FBXO36: variants seen among roughly 807,000 people sequenced by gnomAD.
FBXO36 encodes the protein F-box only protein 36.
A neutral mutation model predicts 17.0 loss-of-function variants in FBXO36; 18 were observed. The ratio of observed to expected loss-of-function variants is 1.06; its 90% CI spans 0.73 to 1.57. The LOEUF (loss-of-function observed/expected upper bound fraction) is 1.57. Ranked by LOEUF, FBXO36 falls within the 40% of genes most tolerant of loss-of-function variation. FBXO36 has a pLI of 0.00. For synonymous variants in FBXO36, 83 were observed against 85.3 expected (o/e 0.97, Z 0.15); for missense variants, 229 against 221.9 (o/e 1.03, Z -0.20).
chr2:229,986,913 A>C (rs2077271287), intron 2 of FBXO36, among the ~76,000 whole-genome samples: 1 of 152,068 alleles, frequency 6.6e-6, no homozygotes, highest in Middle Eastern at 3.2e-3. Flanking sequence ...TTAAACCTAC[A>C]GAAAAGAACA....
At chr2:229,923,762 T>C (rs2154386709) in intron 1 of FBXO36, among the ~76,000 whole-genome samples, 1 of 151,688 alleles carries the variant, frequency 6.6e-6, no homozygotes, top group South Asian at 2.1e-4. Flanking sequence ...AAATTTTTAA[T>C]TAAACTGTTC....
chr2:229,979,183 A>G (rs2077225370), intron 2 of FBXO36, among the ~76,000 whole-genome samples: 1 of 151,530 alleles, frequency 6.6e-6, no homozygotes, highest in Non-Finnish European at 1.5e-5. Context: ...AAAAAAAAAA[A>G]AATCCATTAT....
intron 1 of FBXO36, among the ~76,000 whole-genome samples, chr2:229,972,860 G>A (rs796220244): frequency 6.6e-5 from 10 of 151,704 alleles, no homozygotes; most frequent in African/African-American, 1.7e-4. Flanking sequence ...TCAGCAGTTC[G>A]AGACCAGCCT....
intron 1 of FBXO36, among the ~76,000 whole-genome samples, chr2:229,927,597 A>G (rs776636306): frequency 1.3e-5 from 2 of 152,222 alleles, no homozygotes; most frequent in African/African-American, 4.8e-5. Context: ...CTTGCAGCCA[A>G]TAACCCAGGT....
intron 2 of FBXO36, among the ~76,000 whole-genome samples, chr2:229,981,402 A>G (rs2077238980): frequency 1.3e-5 from 2 of 151,896 alleles, no homozygotes; most frequent in Non-Finnish European, 2.9e-5. Flanking sequence ...TTTTTGAGAC[A>G]GGATCTCACT....
intron 3 of FBXO36, among the ~76,000 whole-genome samples, chr2:230,006,518 G>A (rs575498924): frequency 6.6e-6 from 1 of 152,300 alleles, no homozygotes; most frequent in East Asian, 1.9e-4. Flanking sequence ...ACACTTCAGG[G>A]CTCTGTGCAG....
intron 1 of FBXO36, among the ~76,000 whole-genome samples, chr2:229,960,376 G>A (rs2077114232): frequency 6.6e-6 from 1 of 152,000 alleles, no homozygotes; most frequent in African/African-American, 2.4e-5. Flanking sequence ...GGTGGGGTGA[G>A]CTGTGTTACC....
chr2:229,999,479 G>A (rs2077346174), intron 3 of FBXO36, among the ~76,000 whole-genome samples: 1 of 147,954 alleles, frequency 6.8e-6, no homozygotes, highest in Non-Finnish European at 1.5e-5. Flanking sequence ...TTGAGAGTGT[G>A]TGTGTGTGTA....
At chr2:229,957,228 C>G (rs915795361) in intron 1 of FBXO36, among the ~76,000 whole-genome samples, 11 of 152,186 alleles carry the variant, frequency 7.2e-5, no homozygotes, top group African/African-American at 2.7e-4. Flanking sequence ...GGAAGCCACA[C>G]AGTAAAGAGG....
intron 1 of FBXO36, among the ~76,000 whole-genome samples, chr2:229,949,276 G>A (rs998694890): frequency 3.3e-5 from 5 of 152,158 alleles, no homozygotes; most frequent in East Asian, 3.8e-4. Context: ...ACGTGTGCAC[G>A]TCCTTTATTC....
intron 2 of FBXO36, among the ~76,000 whole-genome samples, chr2:229,989,870 GC>G (rs1377490069): frequency 6.6e-6 from 1 of 152,092 alleles, no homozygotes; most frequent in East Asian, 1.9e-4. Flanking sequence ...ACCGCACCCG[GC>G]TCATGATGTA....
intron 1 of FBXO36, among the ~76,000 whole-genome samples, chr2:229,933,041 T>C (rs2076947272): frequency 6.6e-6 from 1 of 152,280 alleles, no homozygotes; most frequent in South Asian, 2.1e-4. Context: ...CGCTCCAGCC[T>C]GGGTGGGCAA....
chr2:229,980,717 A>G (rs541930905), intron 2 of FBXO36, among the ~76,000 whole-genome samples: 1 of 152,186 alleles, frequency 6.6e-6, no homozygotes, highest in East Asian at 1.9e-4. Flanking sequence ...CGAAGATTTT[A>G]TGAGTCTGAC....
intron 1 of FBXO36, among the ~76,000 whole-genome samples, chr2:229,948,009 A>G (rs909248396): frequency 6.6e-6 from 1 of 152,186 alleles, no homozygotes; most frequent in African/African-American, 2.4e-5. Flanking sequence ...TTCAACATTT[A>G]GAAGTCAGGC....
intron 1 of FBXO36, among the ~76,000 whole-genome samples, chr2:229,922,926 C>G (rs949954691): frequency 6.6e-6 from 1 of 152,194 alleles, no homozygotes; most frequent in Non-Finnish European, 1.5e-5. Flanking sequence ...GCGTCTCCGG[C>G]TTGCGTGCGG....
intron 1 of FBXO36, among the ~76,000 whole-genome samples, chr2:229,955,391 C>G (rs899672300): frequency 1.6e-4 from 24 of 152,076 alleles, no homozygotes; most frequent in African/African-American, 5.6e-4. Flanking sequence ...TGGCACTTGC[C>G]TGTAGTCCCA....
rs370906860 is a variant in FBXO36, at chr2:229,950,727, G to C, written c.97-25514G>C. Among the ~76,000 whole-genome samples, 21 of 149,296 alleles carry C rather than the reference G, an allele frequency of 1.4e-4. No homozygotes were observed. In the East Asian group the frequency reaches 2.0e-3, roughly 14 times the overall value. On this transcript the variant is annotated intron_variant, in intron 1 of 3. Coordinates refer to ENST00000283946, the MANE Select transcript of FBXO36 (RefSeq NM_174899.5). ...GAACAATAGGGAAAAAAATCATATT[G>C]GTTAACACAGGTTACTTCAGGCTAC...
At chr2:229,946,276 C>G (rs1009514400) in intron 1 of FBXO36, among the ~76,000 whole-genome samples, 33 of 152,116 alleles carry the variant, frequency 2.2e-4, no homozygotes, top group African/African-American at 7.7e-4. Flanking sequence ...TCGTCCTACC[C>G]CCTTGTAAAA....
chr2:229,989,180 C>CA (rs1305174319), intron 2 of FBXO36, among the ~76,000 whole-genome samples: 4 of 152,114 alleles, frequency 2.6e-5, no homozygotes, highest in Non-Finnish European at 5.9e-5. Flanking sequence ...TGACTTTCGT[C>CA]AACTTTTGTA....
Sources: allele counts gnomAD v4.1 joint callset (sites outside exome capture counted in the v4.1 genomes callset), GRCh38; gene constraint gnomAD v4.1.1; transcripts MANE v1.5; gene names NCBI Gene and HGNC (gene_info 2026-07-23, HGNC 2026-07-21).